Variants in MAML2 observed in about 807,000 individuals in gnomAD.
MAML2 encodes the protein mastermind-like protein 2.
In MAML2, 22 loss-of-function variants were observed where a neutral mutation model predicts 96.1. The observed-to-expected ratio is 0.23, with a 90% CI of 0.16 to 0.33. The LOEUF (loss-of-function observed/expected upper bound fraction) is 0.33. Ranked by LOEUF, MAML2 falls within the 10% of genes least tolerant of loss-of-function variation. The pLI, the probability that MAML2 is intolerant of heterozygous loss-of-function variation, is 1.00. For synonymous variants in MAML2, 561 were observed against 521.3 expected (o/e 1.08, Z -1.04); for missense variants, 1,367 against 1,392.4 (o/e 0.98, Z 0.29).
intron 1 of MAML2, among the ~76,000 whole-genome samples, chr11:96,296,008 C>G (rs1863293957): frequency 6.6e-6 from 1 of 150,754 alleles, no homozygotes; most frequent in African/African-American, 2.4e-5. Context: ...AATAAAACTC[C>G]TACTGTATGC....
At chr11:96,089,204 T>C (rs626256) in intron 2 of MAML2, among the ~76,000 whole-genome samples, 1 of 152,170 alleles carries the variant, frequency 6.6e-6, no homozygotes, top group African/African-American at 2.4e-5. Flanking sequence ...AACAGACATT[T>C]GTACTGTCTA....
At chr11:96,038,587 G>T (rs993176329) in intron 2 of MAML2, among the ~76,000 whole-genome samples, 6 of 152,242 alleles carry the variant, frequency 3.9e-5, no homozygotes, top group Non-Finnish European at 7.3e-5. Context: ...CATATACCAA[G>T]CTTGCTCTTA....
intron 1 of MAML2, among the ~76,000 whole-genome samples, chr11:96,202,104 C>T (rs1436417977): frequency 6.9e-6 from 1 of 144,562 alleles, no homozygotes; most frequent in African/African-American, 2.6e-5. Context: ...GAGGCCGAGG[C>T]AGGCGCATCA....
rs1864018767 is a variant in MAML2 at position 96,342,835 on chromosome 11, G to GGCTCTATT, written c.-948_-941dup. On this transcript the variant is annotated 5_prime_UTR_variant, in exon 1 of 5. Transcript: ENST00000524717. ...GCTTACGTTTCTATTCCTCACCCCCGGCTCTATTCTAATACAGTATCAAGA... is the reference window on the plus strand; with the variant it reads ...GCTTACGTTTCTATTCCTCACCCCCGGCTCTATTGCTCTATTCTAATACAGTATCAAGA... 1 of 324,210 alleles carries GGCTCTATT rather than the reference G, an allele frequency of 3.1e-6. No homozygotes were observed. Among genetic ancestry groups the GGCTCTATT allele is most frequent in the African/African-American group, 2.1e-5 (1 of 47,362 alleles). 20.1% of individuals were successfully genotyped at this position (324,210 alleles called of 1,614,324 possible). A position where few individuals can be genotyped will look rare whatever the true frequency, so the allele number is the denominator to read the frequency against.
At chr11:96,301,354 A>T (rs1229257367) in intron 1 of MAML2, among the ~76,000 whole-genome samples, 5 of 152,310 alleles carry the variant, frequency 3.3e-5, no homozygotes, top group Admixed American at 2.0e-4. Context: ...ATGAGCGTAC[A>T]ACTGGAGAAT....
At chr11:96,096,042 G>T (rs940256034) in intron 1 of MAML2, among the ~76,000 whole-genome samples, 1 of 152,224 alleles carries the variant, frequency 6.6e-6, no homozygotes, top group East Asian at 1.9e-4. Context: ...AGACCAGAGA[G>T]AGTCAGCCAT....
At chr11:96,190,800 A>G (rs1861641745) in intron 1 of MAML2, among the ~76,000 whole-genome samples, 1 of 152,200 alleles carries the variant, frequency 6.6e-6, no homozygotes, top group Non-Finnish European at 1.5e-5. Context: ...ATGTGTAAAA[A>G]CATTTAATGT....
In MAML2 at chr11:95,980,943, C is replaced by CA. The variant is rs914764021; in HGVS notation, c.2456-981_2456-980insT. On this transcript the variant is annotated intron_variant, in intron 4 of 4. Coordinates refer to ENST00000524717, the MANE Select transcript of MAML2 (RefSeq NM_032427.4). ...TGGACTGCTGGTCCTGGATGAAGAC[C>CA]GCTTCCGACTGACTCTTTCTGAATA... 2.7e-4 allele frequency among the ~76,000 whole-genome samples: 41 copies of CA among 152,158 alleles called. 1 individual carries two copies. Among genetic ancestry groups the CA allele is most frequent in the Admixed American group, 2.7e-3 (41 of 15,274 alleles).
intron 1 of MAML2, among the ~76,000 whole-genome samples, chr11:96,195,230 C>T (rs1478713109): frequency 6.6e-6 from 1 of 151,996 alleles, no homozygotes; most frequent in Non-Finnish European, 1.5e-5. Context: ...CAGTGTCACT[C>T]TCTGCAAAGC....
chr11:96,278,878 G>T (rs931361950), intron 1 of MAML2, among the ~76,000 whole-genome samples: 1 of 152,166 alleles, frequency 6.6e-6, no homozygotes, highest in African/African-American at 2.4e-5. Flanking sequence ...ATAACTGCGG[G>T]GGGTATGTCT....
intron 1 of MAML2, among the ~76,000 whole-genome samples, chr11:96,288,561 A>AC (rs1863170189): frequency 6.7e-6 from 1 of 149,442 alleles, no homozygotes; most frequent in South Asian, 2.1e-4. Context: ...AAAAAAAAAA[A>AC]CAACCAAAAA....
At chr11:96,158,024 C>T (rs1238861819) in intron 1 of MAML2, among the ~76,000 whole-genome samples, 1 of 152,056 alleles carries the variant, frequency 6.6e-6, no homozygotes, top group Non-Finnish European at 1.5e-5. Context: ...TATTGTGTTT[C>T]CAGGGCTGTG....
At chr11:96,127,595 T>C (rs1318973913) in intron 1 of MAML2, among the ~76,000 whole-genome samples, 2 of 152,224 alleles carry the variant, frequency 1.3e-5, no homozygotes, top group Non-Finnish European at 2.9e-5. Context: ...AAATATGTTT[T>C]AGTGACCAGC....
rs61902470 is a variant in MAML2 at position 96,032,721 on chromosome 11, T to G, written c.2140-40998A>C. ...TGATGCTACTTCGCACTAAAAAGAA[T>G]TGAATTACTGATATATTTAAATCAC... On this transcript the variant is annotated intron_variant, in intron 2 of 4. Coordinates refer to ENST00000524717, the MANE Select transcript of MAML2 (RefSeq NM_032427.4). Among the ~76,000 whole-genome samples the G allele has an allele frequency of 1.6e-3, 251 of 152,222 alleles. 1 individual carries two copies. Among genetic ancestry groups the G allele is most frequent in the Middle Eastern group, 3.4e-3 (1 of 294 alleles).
intron 1 of MAML2, among the ~76,000 whole-genome samples, chr11:96,149,078 C>T (rs963120289): frequency 4.6e-5 from 7 of 152,072 alleles, no homozygotes; most frequent in African/African-American, 1.4e-4. Flanking sequence ...GACATGCAAC[C>T]CAGTCATGTG....
At chr11:96,180,920 C>T (rs1861474099) in intron 1 of MAML2, among the ~76,000 whole-genome samples, 1 of 146,414 alleles carries the variant, frequency 6.8e-6, no homozygotes, top group African/African-American at 2.6e-5. Context: ...GGTTTGTTCT[C>T]TGGCGGGTAG....
chr11:96,204,206 G>C (rs937247625), intron 1 of MAML2, among the ~76,000 whole-genome samples: 29 of 152,296 alleles, frequency 1.9e-4, no homozygotes, highest in African/African-American at 5.8e-4. Context: ...GCAAATGGAA[G>C]ACATGTGACA....
chr11:96,160,891 GC>G (rs1299788951), intron 1 of MAML2, among the ~76,000 whole-genome samples: 1 of 152,196 alleles, frequency 6.6e-6, no homozygotes, highest in African/African-American at 2.4e-5. Flanking sequence ...TTGGGTGAGA[GC>G]ACACAGTGTG....
chr11:96,236,663 G>A (rs574620316), intron 1 of MAML2, among the ~76,000 whole-genome samples: 65 of 152,236 alleles, frequency 4.3e-4, no homozygotes, highest in Non-Finnish European at 7.9e-4. Context: ...GAAGCCGCTT[G>A]AGAGTTTTTA....
Sources: allele counts gnomAD v4.1 joint callset (sites outside exome capture counted in the v4.1 genomes callset), GRCh38; gene constraint gnomAD v4.1.1; transcripts MANE v1.5; gene names NCBI Gene and HGNC (gene_info 2026-07-23, HGNC 2026-07-21).